The following SPTBN4 variants were observed in gnomAD, a reference collection of about 807,000 sequenced individuals.
The protein encoded by SPTBN4 is spectrin beta, non-erythrocytic 4, also known as spectrin beta chain, non-erythrocytic 4.
SPTBN4 carries 96 observed loss-of-function variants against 277.8 expected under a neutral mutation model. The observed-to-expected ratio is 0.35, with a 90% CI of 0.29 to 0.41. SPTBN4 has a LOEUF of 0.41. SPTBN4 is among the 10% of genes least tolerant of loss of function. The pLI, the probability that SPTBN4 is intolerant of heterozygous loss-of-function variation, is 1.00. For missense variants in SPTBN4, 3,006 were observed against 3,595.7 expected, an observed-to-expected ratio of 0.84 and a Z score of 4.19; for synonymous variants, 1,481 against 1,580.3, an observed-to-expected ratio of 0.94 and a Z score of 1.49.
intron 18 of SPTBN4, chr19:40,530,434 G>A: frequency 1.1e-6 from 1 of 916,946 alleles, no homozygotes; most frequent in Non-Finnish European, 1.3e-6. Flanking sequence ...GGGGGCGCAC[G>A]CGGGCGGGCG....
chr19:40,558,947 T>TATC (rs1026792401), intron 26 of SPTBN4, among the ~76,000 whole-genome samples: 1 of 146,140 alleles, frequency 6.8e-6, no homozygotes, highest in Non-Finnish European at 1.5e-5. Flanking sequence ...TTATTATTAT[T>TATC]ATGAGGCAGA....
intron 27 of SPTBN4, among the ~76,000 whole-genome samples, chr19:40,562,947 C>T (rs549477929): frequency 7.5e-4 from 115 of 152,326 alleles, no homozygotes; most frequent in African/African-American, 2.7e-3. Context: ...AGAGGTGGCT[C>T]ACGCCTGTAA....
intron 26 of SPTBN4, among the ~76,000 whole-genome samples, chr19:40,558,305 C>T (rs1388932055): frequency 6.6e-6 from 1 of 151,278 alleles, no homozygotes; most frequent in Non-Finnish European, 1.5e-5. Context: ...TGCAGTGAGC[C>T]GAGATCGCGC....
At chr19:40,532,291 G>C (rs969128546) in intron 18 of SPTBN4, among the ~76,000 whole-genome samples, 1 of 151,716 alleles carries the variant, frequency 6.6e-6, no homozygotes, top group Non-Finnish European at 1.5e-5. Flanking sequence ...CTTGTTTTGG[G>C]GGGGGTGATC....
chr19:40,528,777 C>T (rs2080625435), intron 17 of SPTBN4, among the ~76,000 whole-genome samples: 1 of 152,032 alleles, frequency 6.6e-6, no homozygotes, highest in Non-Finnish European at 1.5e-5. Context: ...TCTGGACTTG[C>T]CTTTTTTTCT....
chr19:40,497,485 C>G lies in SPTBN4; in HGVS notation c.669-4C>G, dbSNP rs1277144424. On this transcript the variant is annotated splice_region_variant and splice_polypyrimidine_tract_variant and intron_variant, in intron 6 of 35. Transcript: ENST00000598249. ...CTGCCTGCCTGCTCTGTGCCCCTGC[C>G]CAGGCCTGATCTCGTGGACTTCAGC... 6.2e-7 allele frequency: 1 copy of G among 1,611,810 alleles called. No homozygotes were observed. Among genetic ancestry groups the G allele is most frequent in the Non-Finnish European group, 8.5e-7 (1 of 1,178,046 alleles).
chr19:40,570,368 T>TC, intron 32 of SPTBN4, 68 bp from the exon 33 acceptor site: 1 of 982,480 alleles, frequency 1.0e-6, no homozygotes, highest in Non-Finnish European at 1.4e-6. Flanking sequence ...GACCCATGAC[T>TC]CCCCCAAACA....
In SPTBN4 at chr19:40,566,374, T is replaced by TA; in HGVS notation, c.6336+16dup. The TA allele has an allele frequency of 6.6e-7, 1 of 1,508,122 alleles. No individual in the cohort carries two copies. The highest frequency in any genetic ancestry group is 8.9e-7 in the Non-Finnish European group (1 of 1,126,176). The allele number at this position is 1,508,122 out of a possible 1,614,324, so 93.4% of individuals were successfully genotyped here. A position where few individuals can be genotyped will look rare whatever the true frequency, so the allele number is the denominator to read the frequency against. ...GCCTGACCACGGTCAGCTCCCCAGATACTGCCCCATTACCCCCACCCCCAC... is the reference window on the plus strand; with the variant it reads ...GCCTGACCACGGTCAGCTCCCCAGATAACTGCCCCATTACCCCCACCCCCAC... On this transcript the variant is annotated intron_variant, in intron 30 of 35. Transcript: ENST00000598249.
intron 16 of SPTBN4, among the ~76,000 whole-genome samples, chr19:40,523,179 G>A (rs1174682469): frequency 1.3e-5 from 2 of 152,148 alleles, no homozygotes; most frequent in Admixed American, 1.3e-4. Flanking sequence ...AGTGGGATAG[G>A]GCTGGGGTGG....
intron 14 of SPTBN4, among the ~76,000 whole-genome samples, chr19:40,514,880 G>A (rs2080436113): frequency 6.6e-6 from 1 of 152,138 alleles, no homozygotes; most frequent in African/African-American, 2.4e-5. Flanking sequence ...CAAGGCAGGT[G>A]GATCATATAA....
intron 13 of SPTBN4, among the ~76,000 whole-genome samples, chr19:40,509,170 C>T (rs2080363535): frequency 6.7e-6 from 1 of 150,338 alleles, no homozygotes; most frequent in African/African-American, 2.5e-5. Context: ...AATCCTCCCG[C>T]TTCCACCTCC....
At position 40,504,139 on chromosome 19, in the gene SPTBN4, G is replaced by A. The variant is rs1306855586; in HGVS notation, c.1665+7G>A. The A allele has an allele frequency of 1.6e-6, 2 of 1,281,886 alleles. No homozygotes were observed. The highest frequency in any genetic ancestry group is 2.2e-6 in the Non-Finnish European group (2 of 907,032). The allele number at this position is 1,281,886 out of a possible 1,614,324, so 79.4% of individuals were successfully genotyped here. A position where few individuals can be genotyped will look rare whatever the true frequency, so the allele number is the denominator to read the frequency against. On this transcript the variant is annotated splice_region_variant and intron_variant, in intron 12 of 35. Transcript: ENST00000598249. ...CTGGATGGAGGAGATGCAGGTGCCG[G>A]CGGGGGGGCGGGGATGCGGGTGGAG... is the stretch of plus-strand genomic sequence containing the variant.
intron 20 of SPTBN4, among the ~76,000 whole-genome samples, chr19:40,540,158 C>T (rs934242241): frequency 2.0e-5 from 3 of 151,912 alleles, no homozygotes; most frequent in African/African-American, 7.3e-5. Context: ...AACTCCTGAC[C>T]TCAAGTGATC....
chr19:40,541,467 G>A (rs2080801125), intron 20 of SPTBN4, among the ~76,000 whole-genome samples: 1 of 152,218 alleles, frequency 6.6e-6, no homozygotes, highest in Non-Finnish European at 1.5e-5. Context: ...ACTGGGGAAG[G>A]GACCTGCCAA....
In SPTBN4 at chr19:40,556,907, G is replaced by A. The variant is rs1270535600; in HGVS notation, c.5290-116G>A. ...TGAACCACTGCACGCCAACCTGGGC[G>A]ACAGAGCAAGACTCTGTATCAAAAA... On this transcript the variant is annotated intron_variant, in intron 25 of 35. Transcript: ENST00000598249. The A allele has an allele frequency of 1.2e-5, 16 of 1,326,086 alleles. No individual in the cohort carries two copies. The South Asian group carries it at 1.4e-4, about 12-fold the overall frequency. 82.1% of individuals were successfully genotyped at this position (1,326,086 alleles called of 1,614,324 possible). A position where few individuals can be genotyped will look rare whatever the true frequency, so the allele number is the denominator to read the frequency against.
Position 40,554,447 on chromosome 19 carries a change from G to T in SPTBN4, c.4953+22G>T, listed in dbSNP as rs1424534208. On this transcript the variant is annotated intron_variant, in intron 23 of 35. Coordinates refer to ENST00000598249, the MANE Select transcript of SPTBN4 (RefSeq NM_020971.3). The surrounding 1 kb of genome is among the most constrained non-coding windows in gnomAD (Gnocchi z 5.7). Reference sequence around the variant, plus strand: ...CAAGGTGCGCCCGAGCTGGGGGTGCGGAGGGCCTGGGGGCGCTGGAGCCGG... The same window carrying T: ...CAAGGTGCGCCCGAGCTGGGGGTGCTGAGGGCCTGGGGGCGCTGGAGCCGG... 6.5e-7 allele frequency: 1 copy of T among 1,530,854 alleles called. No individual in the cohort carries two copies. The highest frequency in any genetic ancestry group is 1.2e-5 in the South Asian group (1 of 81,014). 94.8% of individuals were successfully genotyped at this position (1,530,854 alleles called of 1,614,324 possible). A position where few individuals can be genotyped will look rare whatever the true frequency, so the allele number is the denominator to read the frequency against.
intron 2 of SPTBN4, among the ~76,000 whole-genome samples, chr19:40,477,154 C>A (rs903080195): frequency 6.6e-6 from 1 of 151,838 alleles, no homozygotes. Context: ...ATCCTCCCAC[C>A]GTAGCCTCCC....
In SPTBN4 at chr19:40,568,411, C is replaced by A. The variant is rs1271880596; in HGVS notation, c.6956+129C>A. ...AAAGAAGGAGATATCGCCGCGGTACCCATTTTGCAGAGGTGTAAACTGAAG... is the reference window on the plus strand; with the variant it reads ...AAAGAAGGAGATATCGCCGCGGTACACATTTTGCAGAGGTGTAAACTGAAG... On this transcript the variant is annotated intron_variant, in intron 31 of 35. Transcript: ENST00000598249. 3.8e-5 allele frequency: 50 copies of A among 1,321,374 alleles called. No individual in the cohort carries two copies. The East Asian group carries it at 1.3e-3, about 34-fold the overall frequency. 81.9% of individuals were successfully genotyped at this position (1,321,374 alleles called of 1,614,324 possible). A position where few individuals can be genotyped will look rare whatever the true frequency, so the allele number is the denominator to read the frequency against.
At chr19:40,530,735 C>T (rs1485864359) in intron 18 of SPTBN4, 8 of 233,146 alleles carry the variant, frequency 3.4e-5, no homozygotes, top group Non-Finnish European at 4.9e-5. Context: ...CGCCCGGACC[C>T]CCACCCTGGG....
Sources: gnomAD v4.1 joint callset for allele counts (sites outside exome capture counted in the v4.1 genomes callset) on GRCh38, gnomAD v4.1.1 for gene constraint, Gnocchi (gnomAD v3.1) non-coding constraint, MANE v1.5 for transcripts, NCBI Gene and HGNC (gene_info 2026-07-23, HGNC 2026-07-21) for gene names.